The following PRRC2C variants were observed in gnomAD, a reference collection of about 807,000 sequenced individuals.
PRRC2C encodes the protein protein PRRC2C.
PRRC2C carries 72 observed loss-of-function variants against 317.2 expected under a neutral mutation model. The observed-to-expected ratio is 0.23, with a 90% CI of 0.19 to 0.28. PRRC2C has a LOEUF of 0.28. Ranked by LOEUF, PRRC2C falls within the 10% of genes least tolerant of loss-of-function variation. PRRC2C has a pLI of 1.00. For missense variants in PRRC2C, 3,074 were observed against 3,459.7 expected (o/e 0.89, Z 2.80); for synonymous variants, 1,296 against 1,205.9 (o/e 1.07, Z -1.55).
chr1:171,527,005 G>A (rs893794776), intron 10 of PRRC2C, among the ~76,000 whole-genome samples: 2 of 148,978 alleles, frequency 1.3e-5, no homozygotes, highest in Non-Finnish European at 3.0e-5. Context: ...GACAGGTTTC[G>A]CCATGTTCGC....
intron 18 of PRRC2C, among the ~76,000 whole-genome samples, chr1:171,556,541 A>G (rs566063538): frequency 1.7e-4 from 26 of 152,286 alleles, no homozygotes; most frequent in Non-Finnish European, 3.1e-4. Flanking sequence ...AGCTGTTCCT[A>G]TTCAGCTGTC....
intron 4 of PRRC2C, 77 bp from the exon 5 acceptor site, chr1:171,515,656 AG>A (rs1282847864): frequency 8.5e-7 from 1 of 1,170,316 alleles, no homozygotes; most frequent in Non-Finnish European, 1.2e-6. Flanking sequence ...AGAGGCAGAG[AG>A]CTCTATCCTG....
chr1:171,527,763 A>G, intron 10 of PRRC2C, 28 bp from the exon 11 acceptor site: 1 of 1,539,166 alleles, frequency 6.5e-7, no homozygotes, highest in Admixed American at 1.9e-5. Context: ...CCAAAATAAT[A>G]AGAATAATTC....
intron 24 of PRRC2C, among the ~76,000 whole-genome samples, chr1:171,572,702 A>G (rs1198552596): frequency 6.6e-6 from 1 of 152,058 alleles, no homozygotes; most frequent in East Asian, 1.9e-4. Flanking sequence ...TCTTACTTTT[A>G]TGGTTTTTAT....
intron 12 of PRRC2C, among the ~76,000 whole-genome samples, chr1:171,533,970 T>C (rs946783637): frequency 1.3e-5 from 2 of 152,210 alleles, no homozygotes; most frequent in Non-Finnish European, 2.9e-5. Context: ...AAATGCAGTT[T>C]TATTTCAGTG....
Position 171,541,194 on chromosome 1 carries a change from A to G in PRRC2C, c.3728A>G (p.Glu1243Gly). The G allele has an allele frequency of 6.2e-7, 1 of 1,612,956 alleles. No homozygotes were observed. ...IPSGPLRQREESETRSESSDF... is the reference protein window; with the variant it reads ...IPSGPLRQREGSETRSESSDF... ...TCAGGGCCTCTCAGACAGCGAGAAG[A>G]AAGTGAAACACGGAGTGAGAGCTCT... Residue 1243 changes from glutamate (E) to glycine (G), a missense_variant, in exon 16 of 35, where the codon GAA becomes GGA. This residue lies in a region of PRRC2C where 1,320 missense variants were observed against 1,395.7 expected (regional missense o/e 0.95). Coordinates refer to ENST00000647382, the MANE Select transcript of PRRC2C (RefSeq NM_001387844.1). The surrounding 1 kb of genome is among the most constrained non-coding windows in gnomAD (Gnocchi z 4.1).
In PRRC2C at chr1:171,532,327, T is replaced by C; in HGVS notation, c.1255-16T>C. 2.5e-6 allele frequency: 4 copies of C among 1,597,426 alleles called. No homozygotes were observed. The highest frequency in any genetic ancestry group is 3.4e-6 in the Non-Finnish European group (4 of 1,172,812). On this transcript the variant is annotated splice_polypyrimidine_tract_variant and intron_variant, in intron 11 of 34. Coordinates refer to ENST00000647382, the MANE Select transcript of PRRC2C (RefSeq NM_001387844.1). The stretch of plus-strand genomic sequence containing the variant: ...AATAGAGTTGTCATAACTCATCTGA[T>C]ACCTTAATGTTTCAGCATCCACCTC...
At chr1:171,517,866 G>T in intron 6 of PRRC2C, 52 bp downstream of exon 6, 1 of 1,514,472 alleles carries the variant, frequency 6.6e-7, no homozygotes, top group Non-Finnish European at 9.0e-7. Flanking sequence ...TTGATCTGGG[G>T]TCCAAGGAGC....
intron 1 of PRRC2C, among the ~76,000 whole-genome samples, chr1:171,486,559 T>C (rs1186594648): frequency 6.6e-6 from 1 of 152,160 alleles, no homozygotes; most frequent in African/African-American, 2.4e-5. Flanking sequence ...TGTATGTGTG[T>C]TTTGACATTA....
At position 171,568,176 on chromosome 1, in the gene PRRC2C, CAAAAA is replaced by C; in HGVS notation, c.6559-67_6559-63del. On this transcript the variant is annotated intron_variant, in intron 22 of 34. Coordinates refer to ENST00000647382, the MANE Select transcript of PRRC2C (RefSeq NM_001387844.1). ...CTCCAGCCTGCATGATAGCGAGACT[CAAAAA>C]AAAGAGGAAGAAGTGAGCAATTAAT... 17 of 1,479,062 alleles carry C rather than the reference CAAAAA, an allele frequency of 1.1e-5. No individual in the cohort carries two copies. The South Asian group carries it at 1.7e-4, about 15-fold the overall frequency. 91.6% of individuals were successfully genotyped at this position (1,479,062 alleles called of 1,614,324 possible). A position where few individuals can be genotyped will look rare whatever the true frequency, so the allele number is the denominator to read the frequency against.
intron 1 of PRRC2C, among the ~76,000 whole-genome samples, chr1:171,493,770 C>G (rs774223828): frequency 6.6e-6 from 1 of 152,028 alleles, no homozygotes; most frequent in African/African-American, 2.4e-5. Context: ...TACCACTGCA[C>G]TCTAGCCTGG....
intron 32 of PRRC2C, 104 bp downstream of exon 32, chr1:171,587,855 G>T: frequency 1.6e-6 from 1 of 640,998 alleles, no homozygotes; most frequent in Non-Finnish European, 2.6e-6. Flanking sequence ...AGCAGAAAAG[G>T]AATTATTAAG....
Position 171,541,277 on chromosome 1 carries a change from A to C in PRRC2C, c.3811A>C (p.Ser1271Arg). Reference protein sequence around the residue: ...RQRGSETDTDSEIHESASDKD... With the variant: ...RQRGSETDTDREIHESASDKD... Reference sequence around the variant, plus strand: ...GCGGGGTTCAGAGACTGACACAGACAGTGAAATTCATGAAAGTGCAAGTGA... The same window carrying C: ...GCGGGGTTCAGAGACTGACACAGACCGTGAAATTCATGAAAGTGCAAGTGA... Residue 1271 changes from serine to arginine, a missense_variant, in exon 16 of 35, where the codon AGT becomes CGT. By Grantham distance (110) the Ser-to-Arg change is moderately radical. Around this residue, in one of 11 missense-constraint regions of PRRC2C, gnomAD observed 1,320 missense variants for 1,395.7 expected, o/e 0.95. Transcript: ENST00000647382. The surrounding 1 kb of genome is among the most constrained non-coding windows in gnomAD (Gnocchi z 4.1). 6.2e-7 allele frequency: 1 copy of C among 1,614,030 alleles called. No individual in the cohort carries two copies. Among genetic ancestry groups the C allele is most frequent in the Non-Finnish European group, 8.5e-7 (1 of 1,179,882 alleles).
At chr1:171,566,204 A>C in intron 20 of PRRC2C, 29 bp from the exon 21 acceptor site, 2 of 1,570,280 alleles carry the variant, frequency 1.3e-6, no homozygotes, top group Non-Finnish European at 1.7e-6. Context: ...TATACTTTGC[A>C]AGCAAGTTTT....
At chr1:171,585,240 A>AGT (rs576924776) in intron 30 of PRRC2C, among the ~76,000 whole-genome samples, 36 of 152,360 alleles carry the variant, frequency 2.4e-4, no homozygotes, top group African/African-American at 8.4e-4. Context: ...TTTACCCATT[A>AGT]GTGCTAGGGA....
At chr1:171,532,293 T>C (rs1407270700) in intron 11 of PRRC2C, 50 bp from the exon 12 acceptor site, 8 of 1,530,612 alleles carry the variant, frequency 5.2e-6, no homozygotes, top group Non-Finnish European at 7.0e-6. Context: ...ATACCCAGTG[T>C]TAGTCAGAAA....
chr1:171,577,510 G>T lies in PRRC2C; in HGVS notation c.7032G>T (p.Val2344=). 3 of 1,613,050 alleles carry T rather than the reference G, an allele frequency of 1.9e-6. No individual in the cohort carries two copies. The highest frequency in any genetic ancestry group is 1.7e-5 in the Admixed American group (1 of 59,996). The change falls in exon 26 of 35, where the codon GTG becomes GTT. Residue 2344 remains valine (V), a synonymous_variant. Transcript: ENST00000647382. ...CGGACCCTCCAAATATTTGTAAAGT[G>T]AAACCTCAGCAGTTACAGACAAGCA... ...TTSDPPNICK[V]KPQQLQTSSL... is the part of the protein sequence containing the mutation.
Position 171,513,050 on chromosome 1 carries a change from G to T in PRRC2C, c.168G>T (p.Met56Ile). ...GAAAAGTCGGTATTTCACGGCGTAT[G>T]CCTCCACCTGCTAACCTCCCAAGTC... ...SLGKVGISRR[M>I]PPPANLPSLK... is the part of the protein sequence containing the mutation. The change falls in exon 3 of 35, where the codon ATG becomes ATT. Residue 56 changes from methionine to isoleucine, a missense_variant. Transcript: ENST00000647382. 1 of 1,613,810 alleles carries T rather than the reference G, an allele frequency of 6.2e-7. No homozygotes were observed. The highest frequency in any genetic ancestry group is 8.5e-7 in the Non-Finnish European group (1 of 1,179,792).
chr1:171,587,871 C>A, intron 32 of PRRC2C, 120 bp downstream of exon 32: 1 of 611,754 alleles, frequency 1.6e-6, no homozygotes, highest in Non-Finnish European at 2.8e-6. Context: ...TTAAGACATT[C>A]TTTTTGATAG....
Sources: allele counts gnomAD v4.1 joint callset (sites outside exome capture counted in the v4.1 genomes callset), GRCh38; gene constraint gnomAD v4.1.1; regional missense constraint gnomAD v4.1.1; non-coding constraint Gnocchi (gnomAD v3.1); transcripts MANE v1.5; gene names NCBI Gene and HGNC (gene_info 2026-07-23, HGNC 2026-07-21).